TOB2: variants seen among roughly 807,000 people sequenced by gnomAD.
TOB2 encodes the protein transducer of ERBB2, 2, also known as protein Tob2.
Under a neutral mutation model 17.3 loss-of-function variants are expected in TOB2, and 3 were observed. The observed-to-expected ratio is 0.17, with a 90% CI of 0.08 to 0.45. TOB2 has a LOEUF of 0.45. TOB2 is among the 20% of genes least tolerant of loss of function. The probability of loss-of-function intolerance (pLI) is 0.99; values close to 1 mark genes in which losing one functional copy is unlikely to be tolerated. For synonymous variants in TOB2, 163 were observed against 185.6 expected (o/e 0.88, Z 0.99); for missense variants, 407 against 445.7 (o/e 0.91, Z 0.78).
Position 41,436,988 on chromosome 22 carries a change from A to C in TOB2, c.358T>G (p.Cys120Gly). 6.2e-7 allele frequency: 1 copy of C among 1,614,162 alleles called. No homozygotes were observed. The highest frequency in any genetic ancestry group is 2.2e-5 in the East Asian group (1 of 44,882). The change falls in exon 2 of 2, where the codon TGC (cysteine) becomes GGC (glycine). Residue 120 changes from cysteine to glycine, a missense_variant. Cys to Gly is a radical substitution (Grantham distance 159). Coordinates refer to ENST00000327492, the MANE Select transcript of TOB2 (RefSeq NM_016272.4). The surrounding 1 kb of genome is among the most constrained non-coding windows in gnomAD (Gnocchi z 4.8). ...TCCTTGTCCAGCTCTGGGGCACCGC[A>C]ACCCTCACTGTCATCCAGGTACAGC... ...KVLYLDDSEG[C>G]GAPELDKEIK...
intron 1 of TOB2, among the ~76,000 whole-genome samples, chr22:41,443,169 C>T (rs1166687859): frequency 6.6e-6 from 1 of 151,996 alleles, no homozygotes; most frequent in Non-Finnish European, 1.5e-5. Context: ...AGGAGAAAGA[C>T]GACGGGGGAA....
In TOB2 at chr22:41,436,684, C is replaced by T. The variant is rs1041314129; in HGVS notation, c.662G>A (p.Arg221His). The change falls in exon 2 of 2, where the codon CGC becomes CAC. Residue 221 changes from arginine to histidine, a missense_variant. Physicochemically the swap from Arg to His is conservative, Grantham distance 29. Transcript: ENST00000327492. The surrounding 1 kb of genome is among the most constrained non-coding windows in gnomAD (Gnocchi z 4.8). ...CTTCAGCAGGCTGTTGGTGGGTGAG[C>T]GGGCCATGCGAGGCTGCTGTGGTGG... Reference protein sequence around the residue: ...QQPPQQPRMARSPTNSLLKHK... With the variant: ...QQPPQQPRMAHSPTNSLLKHK... 1.2e-5 allele frequency: 20 copies of T among 1,613,444 alleles called. No homozygotes were observed. Among genetic ancestry groups the T allele is most frequent in the African/African-American group, 9.3e-5 (7 of 74,902 alleles).
intron 1 of TOB2, among the ~76,000 whole-genome samples, chr22:41,440,756 G>A (rs1241325772): frequency 2.0e-5 from 3 of 151,950 alleles, no homozygotes; most frequent in Admixed American, 6.6e-5. Context: ...TAGTACACAC[G>A]GGGTTTCATC....
In TOB2 at chr22:41,437,023, G is replaced by C. The variant is rs1171979662; in HGVS notation, c.323C>G (p.Ala108Gly). ...EVSYQIGEKG[A>G]VKVLYLDDSE... ...GTCATCCAGGTACAGCACTTTCACAGCTCCCTTCTCACCAATCTGGTAGGA... is the reference window on the plus strand; with the variant it reads ...GTCATCCAGGTACAGCACTTTCACACCTCCCTTCTCACCAATCTGGTAGGA... Residue 108 changes from alanine to glycine, a missense_variant, in exon 2 of 2, where the codon GCT becomes GGT. Coordinates refer to ENST00000327492, the MANE Select transcript of TOB2 (RefSeq NM_016272.4). 6.2e-7 allele frequency: 1 copy of C among 1,614,118 alleles called. No homozygotes were observed. The highest frequency in any genetic ancestry group is 1.6e-4 in the Middle Eastern group (1 of 6,062).
intron 1 of TOB2, among the ~76,000 whole-genome samples, chr22:41,442,275 T>C (rs1229326823): frequency 6.6e-6 from 1 of 152,194 alleles, no homozygotes; most frequent in East Asian, 1.9e-4. Flanking sequence ...TCTTGGTATT[T>C]CCACTGAGAG....
At chr22:41,442,040 G>A (rs1288134180) in intron 1 of TOB2, among the ~76,000 whole-genome samples, 5 of 148,500 alleles carry the variant, frequency 3.4e-5, no homozygotes, top group African/African-American at 1.2e-4. Flanking sequence ...GCAGTAAGCC[G>A]AGATCATGCC....
At chr22:41,442,273 T>C (rs1282854595) in intron 1 of TOB2, among the ~76,000 whole-genome samples, 1 of 152,196 alleles carries the variant, frequency 6.6e-6, no homozygotes, top group African/African-American at 2.4e-5. Flanking sequence ...CCTCTTGGTA[T>C]TTCCACTGAG....
chr22:41,441,980 ACTC>A (rs1775631040), intron 1 of TOB2, among the ~76,000 whole-genome samples: 2 of 151,100 alleles, frequency 1.3e-5, no homozygotes, highest in Non-Finnish European at 2.9e-5. Context: ...TAATCCCACT[ACTC>A]CGTAGGCTGA....
In TOB2 at chr22:41,436,255, T is replaced by C. The variant is rs995209166; in HGVS notation, c.*56A>G. The C allele has an allele frequency of 1.3e-6, 2 of 1,490,896 alleles. No homozygotes were observed. Among genetic ancestry groups the C allele is most frequent in the Non-Finnish European group, 1.8e-6 (2 of 1,122,782 alleles). The allele number at this position is 1,490,896 out of a possible 1,614,324, so 92.4% of individuals were successfully genotyped here. A position where few individuals can be genotyped will look rare whatever the true frequency, so the allele number is the denominator to read the frequency against. On this transcript the variant is annotated 3_prime_UTR_variant, in exon 2 of 2. Coordinates refer to ENST00000327492, the MANE Select transcript of TOB2 (RefSeq NM_016272.4). The surrounding 1 kb of genome is among the most constrained non-coding windows in gnomAD (Gnocchi z 4.8). ...TTTCTTTTCCTCTTTTTTTTGGCCT[T>C]TCCTTTCTCTTTTCTGTGGTCTTGG...
chr22:41,439,866 A>G (rs2037594453), intron 1 of TOB2, among the ~76,000 whole-genome samples: 1 of 152,078 alleles, frequency 6.6e-6, no homozygotes. Context: ...TCTGGGGTGA[A>G]TGTATCAGAG....
At chr22:41,445,359 T>C (rs1274744248) in intron 1 of TOB2, among the ~76,000 whole-genome samples, 4 of 152,222 alleles carry the variant, frequency 2.6e-5, no homozygotes, top group Non-Finnish European at 5.9e-5. Flanking sequence ...CACAAGCTTC[T>C]TTCCCCCTAT....
intron 1 of TOB2, among the ~76,000 whole-genome samples, chr22:41,438,990 T>C (rs2037585773): frequency 6.6e-6 from 1 of 152,076 alleles, no homozygotes; most frequent in Non-Finnish European, 1.5e-5. Flanking sequence ...AAACACCAGA[T>C]TGTTATTTTG....
rs932279892 is a variant in TOB2, at chr22:41,437,427, G to A, written c.-62-20C>T. 7.9e-6 allele frequency: 12 copies of A among 1,519,522 alleles called. No individual in the cohort carries two copies. The highest frequency in any genetic ancestry group is 4.0e-5 in the South Asian group (3 of 74,804). The allele number at this position is 1,519,522 out of a possible 1,614,324, so 94.1% of individuals were successfully genotyped here. ...GCGGCTCTGGGAAATGAGAGGCACC[G>A]TGAGAAAATATGCAGAAAGCTGGTG... On this transcript the variant is annotated intron_variant, in intron 1 of 1. Coordinates refer to ENST00000327492, the MANE Select transcript of TOB2 (RefSeq NM_016272.4).
Position 41,437,276 on chromosome 22 carries a change from G to A in TOB2, c.70C>T (p.Arg24Trp), listed in dbSNP as rs754012671. 6 of 1,614,088 alleles carry A rather than the reference G, an allele frequency of 3.7e-6. No individual in the cohort carries two copies. Among genetic ancestry groups the A allele is most frequent in the South Asian group, 1.1e-5 (1 of 91,074 alleles). The change falls in exon 2 of 2, where the codon CGG becomes TGG. Residue 24 changes from arginine to tryptophan, a missense_variant. Arg to Trp is a moderately radical substitution (Grantham distance 101, BLOSUM62 -3). Transcript: ENST00000327492. The part of the protein sequence containing the change: ...SYLYNKLPRR[R>W]ADLFGEELER... ...AGCTCCTCCCCAAACAGGTCTGCCC[G>A]GCGCCGGGGCAGCTTGTTGTACAAG...
In TOB2 at chr22:41,436,722, C is replaced by A. The variant is rs149964843; in HGVS notation, c.624G>T (p.Ala208=). 3.6e-5 allele frequency: 58 copies of A among 1,612,894 alleles called. No homozygotes were observed. Among genetic ancestry groups the A allele is most frequent in the Non-Finnish European group, 4.6e-5 (54 of 1,179,642 alleles). Residue 208 remains alanine, a synonymous_variant, in exon 2 of 2, where the codon GCG becomes GCT. Coordinates refer to ENST00000327492, the MANE Select transcript of TOB2 (RefSeq NM_016272.4). The surrounding 1 kb of genome is among the most constrained non-coding windows in gnomAD (Gnocchi z 4.8). ...GCTGCTGTGGTGGCTGCTGGCCACC[C>A]GCCCCACTGCTGGCTACACCCCCAC... ...ASGGGVASSG[A]GGQQPPQQPR...
intron 1 of TOB2, among the ~76,000 whole-genome samples, chr22:41,445,250 G>T (rs2037670584): frequency 6.6e-6 from 1 of 152,214 alleles, no homozygotes; most frequent in Admixed American, 6.5e-5. Context: ...AAAATTCTGT[G>T]TGTCTCCTCC....
At position 41,434,581 on chromosome 22, in the gene TOB2, CTGG is replaced by C; in HGVS notation, c.*1727_*1729del. On this transcript the variant is annotated 3_prime_UTR_variant, in exon 2 of 2. Transcript: ENST00000327492. ...TGGTGCCTACTGCAGGGAGAGGAGG[CTGG>C]CAGTGCTGGCCTGGGCTGGACCCAC... is the stretch of plus-strand genomic sequence containing the variant. The C allele has an allele frequency of 6.5e-6, 1 of 153,292 alleles. No homozygotes were observed. Among genetic ancestry groups the C allele is most frequent in the South Asian group, 2.1e-4 (1 of 4,824 alleles). The allele number at this position is 153,292 out of a possible 1,614,324, so 9.5% of individuals were successfully genotyped here.
chr22:41,444,665 C>G (rs1026455902), intron 1 of TOB2, among the ~76,000 whole-genome samples: 1 of 152,198 alleles, frequency 6.6e-6, no homozygotes, highest in Non-Finnish European at 1.5e-5. Context: ...CGGGTCGGCG[C>G]CCCCCTCCCA....
rs1195999993 is a variant in TOB2, at chr22:41,433,732, C to G, written c.*2579G>C. 1 of 500,196 alleles carries G rather than the reference C, an allele frequency of 2.0e-6. No individual in the cohort carries two copies. The highest frequency in any genetic ancestry group is 4.1e-6 in the Non-Finnish European group (1 of 244,058). The allele number at this position is 500,196 out of a possible 1,614,324, so 31.0% of individuals were successfully genotyped here. On this transcript the variant is annotated 3_prime_UTR_variant, in exon 2 of 2. Transcript: ENST00000327492. Reference sequence around the variant, plus strand: ...TCCTCTCCAGGCTTGCCTCAATGCCCCCTTCCCATCCCTAGGGAGAAAACT... The same window carrying G: ...TCCTCTCCAGGCTTGCCTCAATGCCGCCTTCCCATCCCTAGGGAGAAAACT...
Sources: allele counts gnomAD v4.1 joint callset (sites outside exome capture counted in the v4.1 genomes callset), GRCh38; gene constraint gnomAD v4.1.1; non-coding constraint Gnocchi (gnomAD v3.1); transcripts MANE v1.5; gene names NCBI Gene and HGNC (gene_info 2026-07-23, HGNC 2026-07-21).